Variants in ARID3B observed in about 807,000 individuals in gnomAD.
The protein encoded by ARID3B is AT-rich interaction domain 3B.
In ARID3B, 10 loss-of-function variants were observed where a neutral mutation model predicts 51.9. That is an observed-to-expected ratio of 0.19 (90% CI 0.12 to 0.33). The LOEUF is 0.33. Ranked by LOEUF, ARID3B falls within the 10% of genes least tolerant of loss-of-function variation. ARID3B has a pLI of 1.00. For synonymous variants in ARID3B, 205 were observed against 279.5 expected (o/e 0.73, Z 2.66); for missense variants, 483 against 716.3 (o/e 0.67, Z 3.72).
chr15:74,598,005 G>A lies in ARID3B; in HGVS notation c.*2231G>A. The A allele has an allele frequency of 1.9e-6, 1 of 531,622 alleles. No individual in the cohort carries two copies. The highest frequency in any genetic ancestry group is 3.7e-6 in the Non-Finnish European group (1 of 273,074). 32.9% of individuals were successfully genotyped at this position (531,622 alleles called of 1,614,324 possible). Reference sequence around the variant, plus strand: ...CCAGGAAAAATGTGATAGCACATGGGTAGCCTAGGCAGTGAGTAAATACCT... The same window carrying A: ...CCAGGAAAAATGTGATAGCACATGGATAGCCTAGGCAGTGAGTAAATACCT... On this transcript the variant is annotated 3_prime_UTR_variant, in exon 9 of 9. Coordinates refer to ENST00000346246, the MANE Select transcript of ARID3B (RefSeq NM_006465.4).
intron 2 of ARID3B, among the ~76,000 whole-genome samples, chr15:74,548,351 G>A (rs2061623459): frequency 6.6e-6 from 1 of 152,142 alleles, no homozygotes; most frequent in Admixed American, 6.5e-5. Context: ...AAAGAAGAAA[G>A]ATGGCTTGGC....
intron 2 of ARID3B, among the ~76,000 whole-genome samples, chr15:74,555,901 C>G (rs1309782726): frequency 6.7e-6 from 1 of 149,242 alleles, no homozygotes. Flanking sequence ...ATGCCATTCT[C>G]CTGCCTCAGC....
chr15:74,570,348 C>T (rs990806013), intron 2 of ARID3B, among the ~76,000 whole-genome samples: 1 of 151,922 alleles, frequency 6.6e-6, no homozygotes, highest in Non-Finnish European at 1.5e-5. Context: ...TGCTGTCCTT[C>T]TGTGGAAAGC....
chr15:74,565,341 C>T (rs554445332), intron 2 of ARID3B, among the ~76,000 whole-genome samples: 62 of 152,188 alleles, frequency 4.1e-4, no homozygotes, highest in African/African-American at 1.2e-3. Context: ...TGTGAGCCAC[C>T]GCACCCTGTT....
rs118079417 is a variant in ARID3B at position 74,567,603 on chromosome 15, G to A, written c.553-5259G>A. Among the ~76,000 whole-genome samples, 57 of 152,122 alleles carry A rather than the reference G, an allele frequency of 3.7e-4. 1 individual carries two copies. The East Asian group carries it at 0.011, about 28-fold the overall frequency. On this transcript the variant is annotated intron_variant, in intron 2 of 8. Coordinates refer to ENST00000346246, the MANE Select transcript of ARID3B (RefSeq NM_006465.4). ...CACCCTGTCTCATGTTGGATTCCAC[G>A]CCATGACATGCCATACAGATAGTCA...
At chr15:74,572,724 A>T in intron 2 of ARID3B, 138 bp from the exon 3 acceptor site, 1 of 758,444 alleles carries the variant, frequency 1.3e-6, no homozygotes, top group Non-Finnish European at 2.2e-6. Context: ...TAGTCTTCTG[A>T]GTTGTCTTTT....
In ARID3B at chr15:74,587,910, A is replaced by G. The variant is rs74025817; in HGVS notation, c.698-1910A>G. ...CTCCAAGGACCAGCAGGTCAAGATAAAGGTCTTCAAGGTCACTAACCCCCT... is the reference window on the plus strand; with the variant it reads ...CTCCAAGGACCAGCAGGTCAAGATAGAGGTCTTCAAGGTCACTAACCCCCT... On this transcript the variant is annotated intron_variant, in intron 4 of 8. Transcript: ENST00000346246. Among the ~76,000 whole-genome samples, 740 of 152,220 alleles carry G rather than the reference A, an allele frequency of 4.9e-3. 12 individuals carry two copies. The highest frequency in any genetic ancestry group is 0.017 in the African/African-American group (705 of 41,510).
At chr15:74,577,865 C>G (rs1245604578) in intron 4 of ARID3B, among the ~76,000 whole-genome samples, 1 of 151,868 alleles carries the variant, frequency 6.6e-6, no homozygotes, top group African/African-American at 2.4e-5. Flanking sequence ...TCATGTGAGG[C>G]TTGCTGTCTT....
chr15:74,592,216 G>A (rs544895039), intron 7 of ARID3B, among the ~76,000 whole-genome samples: 1 of 152,320 alleles, frequency 6.6e-6, no homozygotes, highest in Admixed American at 6.5e-5. Context: ...TCAGCGAGGG[G>A]CCAAGTTGCC....
At chr15:74,580,509 C>T (rs960097820) in intron 4 of ARID3B, among the ~76,000 whole-genome samples, 1 of 152,166 alleles carries the variant, frequency 6.6e-6, no homozygotes, top group African/African-American at 2.4e-5. Context: ...CTGTTACTTG[C>T]ATTTTTATTA....
intron 4 of ARID3B, chr15:74,574,273 C>T (rs2061729411): frequency 6.6e-6 from 1 of 152,538 alleles, no homozygotes; most frequent in African/African-American, 2.4e-5. Flanking sequence ...CCTTCAGCAA[C>T]CTGTGTGGCT....
chr15:74,581,123 G>A (rs2061760454), intron 4 of ARID3B, among the ~76,000 whole-genome samples: 1 of 152,208 alleles, frequency 6.6e-6, no homozygotes. Flanking sequence ...GAACTGCCTG[G>A]TCACATGGAA....
At chr15:74,594,168 G>T (rs1325396822) in intron 8 of ARID3B, among the ~76,000 whole-genome samples, 1 of 152,144 alleles carries the variant, frequency 6.6e-6, no homozygotes, top group African/African-American at 2.4e-5. Flanking sequence ...GCACAGCATT[G>T]CTGGGCGCGG....
At chr15:74,574,351 C>T (rs1358206864) in intron 4 of ARID3B, 1 of 152,262 alleles carries the variant, frequency 6.6e-6, no homozygotes, top group Non-Finnish European at 1.5e-5. Flanking sequence ...TCCCAGCATC[C>T]TGTTATAGCT....
intron 8 of ARID3B, among the ~76,000 whole-genome samples, chr15:74,594,215 A>G (rs146906619): frequency 4.5e-4 from 68 of 152,278 alleles, no homozygotes; most frequent in Non-Finnish European, 4.9e-4. Flanking sequence ...TTGGGAGGCC[A>G]AGGCGGGTGG....
chr15:74,565,025 CT>C (rs552369738), intron 2 of ARID3B, among the ~76,000 whole-genome samples: 20 of 148,570 alleles, frequency 1.3e-4, no homozygotes, highest in South Asian at 2.1e-4. Context: ...TGTTCTGTGT[CT>C]TTTTTTTTTA....
chr15:74,584,812 C>T lies in ARID3B; in HGVS notation c.698-5008C>T, dbSNP rs116784326. Among the ~76,000 whole-genome samples, 633 of 152,322 alleles carry T rather than the reference C, an allele frequency of 4.2e-3. 1 individual carries two copies. The highest frequency in any genetic ancestry group is 0.014 in the African/African-American group (597 of 41,562). ...GATCACAGCTGTGGCCTGCTAGTGCCAGCGCCCAGCGGCATTCCCACCAAC... is the reference window on the plus strand; with the variant it reads ...GATCACAGCTGTGGCCTGCTAGTGCTAGCGCCCAGCGGCATTCCCACCAAC... On this transcript the variant is annotated intron_variant, in intron 4 of 8. Transcript: ENST00000346246.
At chr15:74,594,681 C>T (rs1489317518) in intron 8 of ARID3B, among the ~76,000 whole-genome samples, 4 of 152,262 alleles carry the variant, frequency 2.6e-5, no homozygotes, top group South Asian at 4.1e-4. Context: ...CCCTGCAGGC[C>T]TCCTGGGAGC....
intron 4 of ARID3B, among the ~76,000 whole-genome samples, chr15:74,587,002 G>A (rs1243668708): frequency 6.6e-6 from 1 of 152,210 alleles, no homozygotes; most frequent in East Asian, 1.9e-4. Context: ...GCAATAGGGA[G>A]AAGGCCCAGT....
Sources: allele counts gnomAD v4.1 joint callset (sites outside exome capture counted in the v4.1 genomes callset), GRCh38; gene constraint gnomAD v4.1.1; transcripts MANE v1.5; gene names NCBI Gene and HGNC (gene_info 2026-07-23, HGNC 2026-07-21).